The following GBF1 variants were observed in gnomAD, a reference collection of about 807,000 sequenced individuals.
GBF1 encodes the protein Golgi-specific brefeldin A-resistance guanine nucleotide exchange factor 1.
GBF1 carries 114 observed loss-of-function variants against 210.5 expected under a neutral mutation model. That is an observed-to-expected ratio of 0.54 (90% CI 0.47 to 0.63). GBF1 has a LOEUF of 0.63. Among genes scored for constraint, GBF1 ranks in the 30% least tolerant of loss-of-function variants. GBF1 has a pLI of 0.00. For synonymous variants in GBF1, 850 were observed against 889.2 expected, an observed-to-expected ratio of 0.96 and a Z score of 0.78; for missense variants, 1,851 against 2,357.7, an observed-to-expected ratio of 0.79 and a Z score of 4.45.
At chr10:102,340,557 G>A (rs1234713366) in intron 3 of GBF1, among the ~76,000 whole-genome samples, 10 of 152,120 alleles carry the variant, frequency 6.6e-5, no homozygotes, top group Middle Eastern at 3.4e-3. Context: ...ACAGGCGTGA[G>A]CCACCACGCC....
intron 3 of GBF1, among the ~76,000 whole-genome samples, chr10:102,313,704 T>C (rs940198896): frequency 2.0e-5 from 3 of 152,208 alleles, no homozygotes; most frequent in Admixed American, 1.3e-4. Context: ...GTTCATGATA[T>C]AGTCATTAGG....
At chr10:102,275,857 C>T (rs573642721) in intron 3 of GBF1, among the ~76,000 whole-genome samples, 87 of 152,320 alleles carry the variant, frequency 5.7e-4, no homozygotes, top group Middle Eastern at 3.4e-3. Flanking sequence ...AAATGGACTT[C>T]GGTTCTCAGA....
chr10:102,290,644 G>C (rs1410345167), intron 3 of GBF1, among the ~76,000 whole-genome samples: 1 of 152,100 alleles, frequency 6.6e-6, no homozygotes, highest in East Asian at 1.9e-4. Flanking sequence ...GACTACAGGT[G>C]TGTGCCTCCA....
At chr10:102,240,754 G>C (rs779904269), upstream of GBF1, among the ~76,000 whole-genome samples, 2 of 152,244 alleles carry the variant, frequency 1.3e-5, no homozygotes, top group African/African-American at 4.8e-5. Flanking sequence ...CCCGCCGCCT[G>C]GTCACTCTGA....
At chr10:102,272,937 C>T (rs1319921871) in intron 3 of GBF1, among the ~76,000 whole-genome samples, 1 of 152,118 alleles carries the variant, frequency 6.6e-6, no homozygotes, top group East Asian at 1.9e-4. Context: ...GGCCAGTGTG[C>T]GTCCCCTTCA....
chr10:102,373,933 T>G (rs2060350050), intron 29 of GBF1, among the ~76,000 whole-genome samples: 1 of 152,202 alleles, frequency 6.6e-6, no homozygotes, highest in South Asian at 2.1e-4. Context: ...GGAATACTAT[T>G]CAGCAATTTA....
intron 1 of GBF1, among the ~76,000 whole-genome samples, chr10:102,256,070 C>T (rs1461484777): frequency 6.6e-6 from 1 of 152,192 alleles, no homozygotes; most frequent in Admixed American, 6.5e-5. Flanking sequence ...CGCAGCCTCC[C>T]TGGCAACTGG....
the GBF1 span, chr10:102,230,766 G>GCCCAGGCCCTGCAGGGC: frequency 6.6e-7 from 1 of 1,510,506 alleles, no homozygotes; most frequent in Non-Finnish European, 8.8e-7. Flanking sequence ...GGGGGCCCCC[G>GCCCAGGCCCTGCAGGGC]CCCAGGCCCT....
intron 3 of GBF1, among the ~76,000 whole-genome samples, chr10:102,299,780 G>A (rs1447047459): frequency 3.3e-5 from 5 of 151,948 alleles, no homozygotes; most frequent in East Asian, 1.9e-4. Flanking sequence ...GCGAAACTCC[G>A]TCCCAAAAAA....
At chr10:102,231,179 T>A in the GBF1 span, 1 of 1,357,488 alleles carries the variant, frequency 7.4e-7, no homozygotes, top group Non-Finnish European at 9.7e-7. Context: ...CCGACGGGGC[T>A]TCCAGCCGGG....
Position 102,369,765 on chromosome 10 carries a change from C to G in GBF1, c.3205C>G (p.Pro1069Ala). The G allele has an allele frequency of 6.2e-7, 1 of 1,614,084 alleles. No homozygotes were observed. ...GATCTCTCTACAGCGGGAAGAGACACCATCAAACCGGTAAGAGCAGACCAG... is the reference window on the plus strand; with the variant it reads ...GATCTCTCTACAGCGGGAAGAGACAGCATCAAACCGGTAAGAGCAGACCAG... ...GKISLQREETPSNRGESTVLS... is the reference protein window; with the variant it reads ...GKISLQREETASNRGESTVLS... The change falls in exon 25 of 40, where the codon CCA (proline) becomes GCA (alanine). Residue 1069 changes from proline to alanine, a missense_variant. Physicochemically the swap from Pro to Ala is conservative, Grantham distance 27. Coordinates refer to ENST00000369983, the MANE Select transcript of GBF1 (RefSeq NM_001377137.1).
chr10:102,267,893 C>T (rs573513321), intron 3 of GBF1, among the ~76,000 whole-genome samples: 1 of 152,272 alleles, frequency 6.6e-6, no homozygotes, highest in African/African-American at 2.4e-5. Flanking sequence ...TAGAATGTGA[C>T]TTGAATTTGA....
chr10:102,381,863 A>G (rs1301288776), intron 39 of GBF1, among the ~76,000 whole-genome samples, 193 bp from the exon 40 acceptor site: 1 of 150,340 alleles, frequency 6.7e-6, no homozygotes, highest in Non-Finnish European at 1.5e-5. Flanking sequence ...TAGCCTGGCA[A>G]AGGAGATAGA....
upstream of GBF1, among the ~76,000 whole-genome samples, chr10:102,240,650 G>A (rs1354537366): frequency 1.3e-5 from 2 of 152,140 alleles, no homozygotes; most frequent in African/African-American, 4.8e-5. Context: ...TGTCCGCTCC[G>A]AGCCCCATGC....
chr10:102,239,800 T>C, the GBF1 span, among the ~76,000 whole-genome samples: 12 of 152,230 alleles, frequency 7.9e-5, no homozygotes, highest in Non-Finnish European at 7.3e-5. Flanking sequence ...GTGGTTAGAA[T>C]TGGGGTCAGG....
chr10:102,261,235 T>TTG (rs34325175), intron 3 of GBF1, among the ~76,000 whole-genome samples: 36 of 150,212 alleles, frequency 2.4e-4, no homozygotes, highest in South Asian at 1.7e-3. Context: ...TACCTTATAT[T>TTG]TGTGTGTGTG....
intron 1 of GBF1, among the ~76,000 whole-genome samples, chr10:102,257,034 T>A (rs2072489728): frequency 6.6e-6 from 1 of 152,068 alleles, no homozygotes; most frequent in Non-Finnish European, 1.5e-5. Context: ...TGAGACCTTG[T>A]CTCAAAAAAA....
intron 3 of GBF1, among the ~76,000 whole-genome samples, chr10:102,265,800 A>G (rs2133208990): frequency 6.6e-6 from 1 of 152,172 alleles, no homozygotes; most frequent in South Asian, 2.1e-4. Context: ...CTTGAGGAAG[A>G]CTTCTTAGGG....
intron 3 of GBF1, among the ~76,000 whole-genome samples, chr10:102,267,945 T>G (rs541252020): frequency 2.0e-5 from 3 of 152,204 alleles, no homozygotes; most frequent in Non-Finnish European, 4.4e-5. Context: ...GTAACTTGAG[T>G]GGCCACAGAC....
Sources: allele counts gnomAD v4.1 joint callset (sites outside exome capture counted in the v4.1 genomes callset), GRCh38; gene constraint gnomAD v4.1.1; transcripts MANE v1.5; gene names NCBI Gene and HGNC (gene_info 2026-07-23, HGNC 2026-07-21).